Variants in WDFY4 observed in about 807,000 individuals in gnomAD.
WDFY4 encodes the protein WD repeat- and FYVE domain-containing protein 4.
A neutral mutation model predicts 351.9 loss-of-function variants in WDFY4; 169 were observed. The observed-to-expected ratio is 0.48, with a 90% CI of 0.42 to 0.55. The LOEUF (loss-of-function observed/expected upper bound fraction) is 0.55, where lower values mean the gene tolerates loss of function less well. Ranked by LOEUF, WDFY4 falls within the 20% of genes least tolerant of loss-of-function variation. The pLI is 0.00. For missense variants in WDFY4, 3,803 were observed against 3,935.6 expected (o/e 0.97, Z 0.90); for synonymous variants, 1,622 against 1,574.6 (o/e 1.03, Z -0.71).
chr10:48,873,606 G>C lies in WDFY4; in HGVS notation c.6857G>C (p.Trp2286Ser). 1.3e-6 allele frequency: 2 copies of C among 1,551,794 alleles called. No homozygotes were observed. The highest frequency in any genetic ancestry group is 8.7e-7 in the Non-Finnish European group (1 of 1,147,014). The change falls in exon 41 of 62, where the codon TGG becomes TCG. Residue 2286 changes from tryptophan to serine, a missense_variant. Trp to Ser is a radical substitution (Grantham distance 177). Transcript: ENST00000325239. ...GAAGAAACCAAGCCCTGTTCCCCATGGGAACTCGACTGGAGAGAAGGACCA... is the reference window on the plus strand; with the variant it reads ...GAAGAAACCAAGCCCTGTTCCCCATCGGAACTCGACTGGAGAGAAGGACCA... ...QGEETKPCSP[W>S]ELDWREGPAR...
At chr10:48,964,483 CT>C (rs1841992279) in intron 54 of WDFY4, among the ~76,000 whole-genome samples, 1 of 152,200 alleles carries the variant, frequency 6.6e-6, no homozygotes. Context: ...AGAGAGTATT[CT>C]TTTATGGACC....
At chr10:48,828,939 G>A (rs1361322027) in intron 37 of WDFY4, 43 bp downstream of exon 37, 1 of 249,158 alleles carries the variant, frequency 4.0e-6, no homozygotes, top group African/African-American at 3.2e-5. Context: ...GGGGGGGGGC[G>A]GGGAGGGGGT....
chr10:48,877,534 T>A (rs2070069149), intron 43 of WDFY4, among the ~76,000 whole-genome samples: 1 of 152,240 alleles, frequency 6.6e-6, no homozygotes. Flanking sequence ...TTCTGGCAGT[T>A]CAGCATCTTG....
intron 41 of WDFY4, 42 bp downstream of exon 41, chr10:48,873,739 G>A (rs745524018): frequency 4.5e-6 from 7 of 1,540,944 alleles, no homozygotes; most frequent in Non-Finnish European, 6.1e-6. Context: ...TTCCAGGTAG[G>A]GCCTGATAGG....
At chr10:48,700,743 A>C (rs1273562841) in intron 1 of WDFY4, among the ~76,000 whole-genome samples, 1 of 152,226 alleles carries the variant, frequency 6.6e-6, no homozygotes, top group African/African-American at 2.4e-5. Context: ...AAATCACGTT[A>C]GGTGGGCACA....
intron 38 of WDFY4, among the ~76,000 whole-genome samples, chr10:48,831,313 C>T (rs1813094414): frequency 6.6e-6 from 1 of 152,232 alleles, no homozygotes; most frequent in South Asian, 2.1e-4. Flanking sequence ...ATATTAATGT[C>T]CCTTGCATTC....
At chr10:48,856,675 C>T (rs941450204) in intron 39 of WDFY4, among the ~76,000 whole-genome samples, 20 of 152,270 alleles carry the variant, frequency 1.3e-4, no homozygotes, top group Middle Eastern at 6.8e-3. Flanking sequence ...TACTCTGTTA[C>T]GTTAAAATGT....
At chr10:48,713,279 A>G (rs1339431230) in intron 2 of WDFY4, among the ~76,000 whole-genome samples, 1 of 152,134 alleles carries the variant, frequency 6.6e-6, no homozygotes, top group Non-Finnish European at 1.5e-5. Context: ...TTGAGATTTG[A>G]CAATGGGCAT....
intron 31 of WDFY4, among the ~76,000 whole-genome samples, chr10:48,815,985 C>T (rs2620896): frequency 0.55 from 83,087 of 152,074 alleles, 25,758 homozygotes; most frequent in African/African-American, 0.84. Context: ...TTCAGCAAGA[C>T]GTTAAATCCA....
At chr10:48,766,333 G>C (rs1197200644) in intron 13 of WDFY4, among the ~76,000 whole-genome samples, 1 of 152,180 alleles carries the variant, frequency 6.6e-6, no homozygotes. Context: ...ACTCATGCCT[G>C]TAATTTCAGC....
At position 48,739,560 on chromosome 10, in the gene WDFY4, G is replaced by A. The variant is rs987638477; in HGVS notation, c.1879-3408G>A. Among the ~76,000 whole-genome samples the A allele has an allele frequency of 2.6e-5, 4 of 152,236 alleles. No homozygotes were observed. The East Asian group carries it at 7.7e-4, about 29-fold the overall frequency. The stretch of plus-strand genomic sequence containing the variant: ...ATGATAGAAATGTTTCTCTTTAGTT[G>A]CTATGAAATTAAGCCTTTGTAATTG... On this transcript the variant is annotated intron_variant, in intron 11 of 61. Transcript: ENST00000325239.
Position 48,841,076 on chromosome 10 carries a change from A to G in WDFY4, c.6663+8367A>G, listed in dbSNP as rs553560883. ...TAATTAAAATGTAAATTAGCATACA[A>G]TTATATGCACAGGGGAAGTTTTGAA... On this transcript the variant is annotated intron_variant, in intron 39 of 61. Coordinates refer to ENST00000325239, the MANE Select transcript of WDFY4 (RefSeq NM_001394531.1). Among the ~76,000 whole-genome samples the G allele has an allele frequency of 2.0e-5, 3 of 152,364 alleles. No homozygotes were observed. The South Asian group carries it at 6.2e-4, about 32-fold the overall frequency.
At chr10:48,775,094 A>C (rs1191174635) in intron 14 of WDFY4, among the ~76,000 whole-genome samples, 2 of 152,180 alleles carry the variant, frequency 1.3e-5, no homozygotes, top group African/African-American at 4.8e-5. Flanking sequence ...ACCCACCTGG[A>C]TCCTCCAGGG....
chr10:48,906,271 A>C (rs1459140933), intron 47 of WDFY4, among the ~76,000 whole-genome samples: 2 of 152,156 alleles, frequency 1.3e-5, no homozygotes, highest in Admixed American at 6.5e-5. Flanking sequence ...TTGATGACTC[A>C]TGTGGCTCCT....
At chr10:48,738,930 G>T (rs553145950) in intron 11 of WDFY4, among the ~76,000 whole-genome samples, 124 of 152,208 alleles carry the variant, frequency 8.1e-4, no homozygotes, top group Non-Finnish European at 1.4e-3. Flanking sequence ...ACTTAGGGCA[G>T]TTATTTCAAA....
At chr10:48,900,419 C>T (rs938249858) in intron 46 of WDFY4, 113 bp downstream of exon 46, 10 of 992,476 alleles carry the variant, frequency 1.0e-5, no homozygotes, top group Non-Finnish European at 1.5e-5. Flanking sequence ...ACAGTGAACG[C>T]CACTCAGGCT....
At chr10:48,932,805 T>C (rs1589935818) in intron 47 of WDFY4, among the ~76,000 whole-genome samples, 1 of 151,848 alleles carries the variant, frequency 6.6e-6, no homozygotes, top group African/African-American at 2.4e-5. Flanking sequence ...CTGAGGTGGG[T>C]GGGGAGGTCC....
intron 47 of WDFY4, among the ~76,000 whole-genome samples, chr10:48,925,002 C>G (rs1839447696): frequency 6.6e-6 from 1 of 152,166 alleles, no homozygotes; most frequent in Admixed American, 6.5e-5. Context: ...AACTGAAACC[C>G]CCATAGACAC....
Position 48,940,851 on chromosome 10 carries a change from T to C in WDFY4, c.7587-955T>C, listed in dbSNP as rs1589958581. Among the ~76,000 whole-genome samples, 3 of 152,290 alleles carry C rather than the reference T, an allele frequency of 2.0e-5. No homozygotes were observed. The South Asian group carries it at 6.2e-4, about 32-fold the overall frequency. ...GGGAGAGGGGCTCCTCCCCACACTC[T>C]CCCCAGTATTGCATTTTGTTACCCT... On this transcript the variant is annotated intron_variant, in intron 47 of 61. Transcript: ENST00000325239.
Sources: allele counts gnomAD v4.1 joint callset (sites outside exome capture counted in the v4.1 genomes callset), GRCh38; gene constraint gnomAD v4.1.1; transcripts MANE v1.5; gene names NCBI Gene and HGNC (gene_info 2026-07-23, HGNC 2026-07-21).